NEDD4L: variants seen among roughly 807,000 people sequenced by gnomAD.
NEDD4L encodes E3 ubiquitin-protein ligase NEDD4-like.
Under a neutral mutation model 148.9 loss-of-function variants are expected in NEDD4L, and 54 were observed. The observed-to-expected ratio is 0.36, with a 90% CI of 0.29 to 0.45. The LOEUF (loss-of-function observed/expected upper bound fraction) is 0.45. Ranked by LOEUF, NEDD4L falls within the 20% of genes least tolerant of loss-of-function variation. The pLI is 1.00. For missense variants in NEDD4L, 856 were observed against 1,233.8 expected (o/e 0.69, Z 4.59); for synonymous variants, 433 against 440.7 (o/e 0.98, Z 0.22).
intron 1 of NEDD4L, among the ~76,000 whole-genome samples, chr18:58,158,110 T>G (rs966002761): frequency 1.3e-5 from 2 of 152,240 alleles, no homozygotes; most frequent in African/African-American, 4.8e-5. Flanking sequence ...TGCTGTCATC[T>G]GAAGGCTTGA....
chr18:58,275,961 A>T (rs1356720712), intron 5 of NEDD4L, among the ~76,000 whole-genome samples: 1 of 152,138 alleles, frequency 6.6e-6, no homozygotes, highest in African/African-American at 2.4e-5. Flanking sequence ...CTTGTCAGTC[A>T]TCTTTTTGGT....
At chr18:58,238,118 A>G (rs1268358722) in intron 2 of NEDD4L, among the ~76,000 whole-genome samples, 1 of 152,176 alleles carries the variant, frequency 6.6e-6, no homozygotes, top group Non-Finnish European at 1.5e-5. Flanking sequence ...TTAATCTCTT[A>G]TTTTTGCTGG....
Position 58,330,831 on chromosome 18 carries a change from A to G in NEDD4L, c.907A>G (p.Ser303Gly). The change falls in exon 11 of 31, where the codon AGC (serine) becomes GGC (glycine). Residue 303 changes from serine (S) to glycine (G), a missense_variant. Ser to Gly is a moderately conservative substitution (Grantham distance 56). This residue lies in a region of NEDD4L where 367 missense variants were observed against 422.7 expected (regional missense o/e 0.87). Coordinates refer to ENST00000400345, the MANE Select transcript of NEDD4L (RefSeq NM_001144967.3). ...ACCGGCCTCCCCAGGATCTCGGACCAGCCCTCAGGAGCTGTCAGAGGAACT... is the reference window on the plus strand; with the variant it reads ...ACCGGCCTCCCCAGGATCTCGGACCGGCCCTCAGGAGCTGTCAGAGGAACT... ...PPPASPGSRT[S>G]PQELSEELSR... 2 of 1,613,914 alleles carry G rather than the reference A, an allele frequency of 1.2e-6. No individual in the cohort carries two copies. The highest frequency in any genetic ancestry group is 1.7e-6 in the Non-Finnish European group (2 of 1,179,828).
At chr18:58,386,250 A>G (rs2049003335) in intron 26 of NEDD4L, among the ~76,000 whole-genome samples, 1 of 151,970 alleles carries the variant, frequency 6.6e-6, no homozygotes, top group African/African-American at 2.4e-5. Flanking sequence ...ACGGGGTTTC[A>G]CCATGTTGGC....
intron 1 of NEDD4L, among the ~76,000 whole-genome samples, chr18:58,109,572 G>GT (rs869167759): frequency 0.051 from 5,965 of 117,540 alleles, 214 homozygotes; most frequent in Non-Finnish European, 0.07. Flanking sequence ...TTTTTTTTTT[G>GT]TTTTTTTTTT....
chr18:58,291,685 G>A (rs2054788634), intron 5 of NEDD4L, among the ~76,000 whole-genome samples: 1 of 152,282 alleles, frequency 6.6e-6, no homozygotes, highest in African/African-American at 2.4e-5. Context: ...CTAATCTGGA[G>A]TATCAGTTTT....
chr18:58,184,656 T>C (rs542202382), intron 2 of NEDD4L, among the ~76,000 whole-genome samples: 39 of 152,216 alleles, frequency 2.6e-4, no homozygotes, highest in East Asian at 1.7e-3. Flanking sequence ...TGTCTGGGCG[T>C]GGTGGCTCAC....
chr18:58,245,762 C>T (rs2047186563), intron 3 of NEDD4L, among the ~76,000 whole-genome samples: 1 of 150,228 alleles, frequency 6.7e-6, no homozygotes, highest in South Asian at 2.1e-4. Flanking sequence ...CTCACTGCAC[C>T]CTCCGCCTCC....
intron 22 of NEDD4L, 121 bp downstream of exon 22, chr18:58,367,988 A>G: frequency 2.7e-6 from 3 of 1,115,568 alleles, no homozygotes; most frequent in Non-Finnish European, 2.5e-6. Context: ...AAGTATTTTT[A>G]TGTTTTGCCC....
intron 1 of NEDD4L, chr18:58,046,610 C>T (rs150584241): frequency 2.0e-5 from 3 of 152,320 alleles, no homozygotes; most frequent in African/African-American, 7.2e-5. Flanking sequence ...ACCTAGAGCA[C>T]ATCTTGCCAC....
chr18:58,293,330 T>A (rs899890561), intron 5 of NEDD4L, among the ~76,000 whole-genome samples: 1 of 152,180 alleles, frequency 6.6e-6, no homozygotes, highest in African/African-American at 2.4e-5. Flanking sequence ...CTTGGGAAAA[T>A]CAATGCCAAT....
At chr18:58,184,911 G>C (rs1347015266) in intron 2 of NEDD4L, among the ~76,000 whole-genome samples, 1 of 151,506 alleles carries the variant, frequency 6.6e-6, no homozygotes, top group Non-Finnish European at 1.5e-5. Context: ...CTGGGCGACA[G>C]AGCGAGACTC....
At chr18:58,179,258 C>A (rs1223853552) in intron 2 of NEDD4L, among the ~76,000 whole-genome samples, 1 of 152,156 alleles carries the variant, frequency 6.6e-6, no homozygotes, top group Non-Finnish European at 1.5e-5. Flanking sequence ...GAGACTTCAC[C>A]CACTAGTGGG....
chr18:58,337,248 A>C (rs2041892768), intron 13 of NEDD4L, among the ~76,000 whole-genome samples: 1 of 152,128 alleles, frequency 6.6e-6, no homozygotes, highest in Admixed American at 6.5e-5. Context: ...TTCATTCCTA[A>C]GTGTTTCATC....
At chr18:58,198,801 T>C (rs1409945800) in intron 2 of NEDD4L, among the ~76,000 whole-genome samples, 1 of 152,250 alleles carries the variant, frequency 6.6e-6, no homozygotes, top group African/African-American at 2.4e-5. Context: ...TTGGCTTCTT[T>C]GTTTTTTTGT....
At chr18:58,188,791 C>A (rs1416615955) in intron 2 of NEDD4L, among the ~76,000 whole-genome samples, 2 of 152,236 alleles carry the variant, frequency 1.3e-5, no homozygotes, top group Non-Finnish European at 2.9e-5. Flanking sequence ...CACAAGTAAT[C>A]TGTAGTTGTT....
intron 1 of NEDD4L, among the ~76,000 whole-genome samples, chr18:58,141,305 G>A (rs1387704485): frequency 6.6e-6 from 1 of 152,186 alleles, no homozygotes; most frequent in African/African-American, 2.4e-5. Flanking sequence ...ATTCAGATTA[G>A]AGAAAATATG....
chr18:58,062,590 G>A (rs2144716642), intron 1 of NEDD4L, among the ~76,000 whole-genome samples: 1 of 152,312 alleles, frequency 6.6e-6, no homozygotes, highest in African/African-American at 2.4e-5. Context: ...CAGCCTAGAT[G>A]GGACCACAGC....
intron 2 of NEDD4L, among the ~76,000 whole-genome samples, chr18:58,197,143 A>G (rs912890163): frequency 6.6e-6 from 1 of 152,110 alleles, no homozygotes; most frequent in Admixed American, 6.6e-5. Context: ...GGTTTAGTGA[A>G]TAGAGAGGGA....
Sources: gnomAD v4.1 joint callset for allele counts (sites outside exome capture counted in the v4.1 genomes callset) on GRCh38, gnomAD v4.1.1 for gene constraint, gnomAD v4.1.1 regional missense constraint, MANE v1.5 for transcripts, NCBI Gene and HGNC (gene_info 2026-07-23, HGNC 2026-07-21) for gene names.